The following TPPP2 variants were observed in gnomAD, a reference collection of about 807,000 sequenced individuals.
TPPP2 encodes tubulin polymerization-promoting protein family member 2.
In TPPP2, 8 loss-of-function variants were observed where a neutral mutation model predicts 13.0. That is an observed-to-expected ratio of 0.62 (90% CI 0.36 to 1.11). The LOEUF is 1.11. Ranked by LOEUF, TPPP2 falls within the 50% of genes most tolerant of loss-of-function variation. The pLI, the probability that TPPP2 is intolerant of heterozygous loss-of-function variation, is 0.02. For missense variants in TPPP2, 213 were observed against 216.9 expected (o/e 0.98, Z 0.11); for synonymous variants, 81 against 81.8 (o/e 0.99, Z 0.05).
chr14:21,028,174 G>A (rs978784760), upstream of TPPP2, among the ~76,000 whole-genome samples: 6 of 152,126 alleles, frequency 3.9e-5, no homozygotes, highest in Non-Finnish European at 8.8e-5. Context: ...CAAGTGTATA[G>A]CAATTAGGCC....
At chr14:21,033,493 A>G (rs143946068), downstream of TPPP2, 25 of 380,842 alleles carry the variant, frequency 6.6e-5, no homozygotes, top group Non-Finnish European at 7.4e-5. Context: ...GCCTCCATCC[A>G]GGACTTAGGA....
chr14:21,033,542 C>T, downstream of TPPP2: 1 of 488,606 alleles, frequency 2.0e-6, no homozygotes. Flanking sequence ...CAACTGGACA[C>T]AGTCAACTTC....
At chr14:21,034,300 G>A, downstream of TPPP2, 2 of 1,597,104 alleles carry the variant, frequency 1.3e-6, no homozygotes, top group South Asian at 1.1e-5. Flanking sequence ...CCTCCTGCTG[G>A]TAGAGTTAAG....
At chr14:21,034,547 A>G (rs973032925), downstream of TPPP2, 2 of 464,400 alleles carry the variant, frequency 4.3e-6, no homozygotes, top group African/African-American at 3.9e-5. Context: ...ACATTTGCAG[A>G]ATAAGAGCTC....
At chr14:21,030,927 C>T in intron 2 of TPPP2, 85 bp from the exon 3 acceptor site, 1 of 1,540,998 alleles carries the variant, frequency 6.5e-7, no homozygotes, top group Non-Finnish European at 8.8e-7. Context: ...ACAAAAGAGG[C>T]CAAATCTGAG....
upstream of TPPP2, chr14:21,028,641 C>T (rs1243456): frequency 0.66 from 100,061 of 151,900 alleles, 33,094 homozygotes; most frequent in East Asian, 0.81. Context: ...TCTTGAGCCA[C>T]AGAATATTCT....
downstream of TPPP2, chr14:21,036,332 G>A: frequency 2.2e-6 from 1 of 447,270 alleles, no homozygotes; most frequent in East Asian, 7.0e-5. Flanking sequence ...GTTTCTCATA[G>A]GGTAGGGGTG....
At position 21,030,737 on chromosome 14, in the gene TPPP2, C is replaced by T. The variant is rs994636303; in HGVS notation, c.156C>T (p.Ile52=). ...CAGTCACCTCCACGGACGTGGACAT[C>T]GTGTTCAGCAAAGTCAAGTGAGGAG... ...GKTVTSTDVD[I]VFSKVKAKNA... is the part of the protein sequence containing the mutation. Residue 52 remains isoleucine (I), a synonymous_variant, in exon 2 of 4, where the codon ATC becomes ATT. Coordinates refer to ENST00000321760, the MANE Select transcript of TPPP2 (RefSeq NM_173846.5). 5.6e-6 allele frequency: 9 copies of T among 1,614,032 alleles called. No individual in the cohort carries two copies. Among genetic ancestry groups the T allele is most frequent in the East Asian group, 4.5e-5 (2 of 44,876 alleles).
At chr14:21,025,965 A>G (rs1883557398), upstream of TPPP2, 1 of 153,318 alleles carries the variant, frequency 6.5e-6, no homozygotes, top group South Asian at 2.1e-4. This position sits in a 1 kb window ranked among gnomAD's most constrained non-coding sequence, Gnocchi z 5.1. Flanking sequence ...GGGAGGACGC[A>G]GTGTCCTGGG....
At chr14:21,026,020 G>A (rs1883564759), upstream of TPPP2, among the ~76,000 whole-genome samples, 1 of 152,032 alleles carries the variant, frequency 6.6e-6, no homozygotes, top group Admixed American at 6.5e-5. Flanking sequence ...ACCCCTCCCA[G>A]TCCGGCCCAG....
At chr14:21,026,882 AAAGG>A (rs1883704967), upstream of TPPP2, among the ~76,000 whole-genome samples, 1 of 152,186 alleles carries the variant, frequency 6.6e-6, no homozygotes, top group Non-Finnish European at 1.5e-5. Flanking sequence ...GGTCACAGCC[AAAGG>A]TGCGCAAGAC....
At chr14:21,033,041 T>C (rs1161458451), downstream of TPPP2, 2 of 451,412 alleles carry the variant, frequency 4.4e-6, no homozygotes, top group Admixed American at 4.8e-5. Context: ...TGGGAGGAGC[T>C]TCTGGAAGAG....
At chr14:21,025,371 C>T, upstream of TPPP2, 1 of 985,656 alleles carries the variant, frequency 1.0e-6, no homozygotes, top group Middle Eastern at 5.2e-4. The surrounding 1 kb of genome is among the most constrained non-coding windows in gnomAD (Gnocchi z 5.1). Flanking sequence ...CTCGGCTGCC[C>T]TCAGCACCGC....
upstream of TPPP2, chr14:21,025,762 G>GGGT: frequency 3.8e-6 from 1 of 263,144 alleles, no homozygotes; most frequent in Non-Finnish European, 5.6e-6. The surrounding 1 kb of genome is among the most constrained non-coding windows in gnomAD (Gnocchi z 5.1). Flanking sequence ...TGGGGGCGGG[G>GGGT]AATGCGGGGG....
chr14:21,028,167 G>A (rs961217103), upstream of TPPP2, among the ~76,000 whole-genome samples: 3 of 152,166 alleles, frequency 2.0e-5, no homozygotes, highest in African/African-American at 7.2e-5. Flanking sequence ...AGCCTGTCAA[G>A]TGTATAGCAA....
downstream of TPPP2, chr14:21,036,007 A>T (rs1323540164): frequency 1.0e-5 from 4 of 381,190 alleles, no homozygotes; most frequent in Non-Finnish European, 2.1e-5. Context: ...TCATCTGTTC[A>T]TGAGGATAGT....
At chr14:21,033,280 A>C (rs947558628), downstream of TPPP2, 9 of 315,186 alleles carry the variant, frequency 2.9e-5, no homozygotes, top group African/African-American at 1.6e-4. Flanking sequence ...CAGGCTGGAA[A>C]CTGGGGGTTG....
At chr14:21,030,828 G>C (rs1393400306) in intron 2 of TPPP2, 74 bp downstream of exon 2, 1 of 1,562,676 alleles carries the variant, frequency 6.4e-7, no homozygotes, top group Non-Finnish European at 8.7e-7. Flanking sequence ...GGTTCACGTG[G>C]TGGAACATTT....
downstream of TPPP2, chr14:21,036,201 C>T (rs899072242): frequency 3.9e-5 from 18 of 456,246 alleles, no homozygotes; most frequent in Admixed American, 4.7e-5. Context: ...TGGATGCTCT[C>T]GTCTCGCCTG....
Sources: gnomAD v4.1 joint callset for allele counts (sites outside exome capture counted in the v4.1 genomes callset) on GRCh38, gnomAD v4.1.1 for gene constraint, Gnocchi (gnomAD v3.1) non-coding constraint, MANE v1.5 for transcripts, NCBI Gene and HGNC (gene_info 2026-07-23, HGNC 2026-07-21) for gene names.